The following PDE12 variants were observed in gnomAD, a reference collection of about 807,000 sequenced individuals.
PDE12 encodes the protein phosphodiesterase 12.
Under a neutral mutation model 45.4 loss-of-function variants are expected in PDE12, and 26 were observed. The observed-to-expected ratio is 0.57, with a 90% CI of 0.42 to 0.79. The LOEUF is 0.79. Ranked by LOEUF, PDE12 falls within the 30% of genes least tolerant of loss-of-function variation. The pLI is 0.00. For missense variants in PDE12, 668 were observed against 790.0 expected (o/e 0.85, Z 1.85); for synonymous variants, 283 against 323.9 (o/e 0.87, Z 1.36).
chr3:57,572,162 G>A, the PDE12 span: 1 of 1,464,966 alleles, frequency 6.8e-7, no homozygotes, highest in Non-Finnish European at 9.6e-7. Flanking sequence ...GTTGTAACAA[G>A]CCTAGACCAA....
the PDE12 span, among the ~76,000 whole-genome samples, chr3:57,636,695 G>C: frequency 6.6e-6 from 1 of 152,152 alleles, no homozygotes; most frequent in Non-Finnish European, 1.5e-5. Flanking sequence ...TCAGCACTTT[G>C]GAAAGCTGAG....
chr3:57,590,297 C>T, the PDE12 span, among the ~76,000 whole-genome samples: 6 of 151,226 alleles, frequency 4.0e-5, no homozygotes, highest in Non-Finnish European at 7.4e-5. Context: ...CCAGCCTGGC[C>T]AAGATGGTGA....
chr3:57,581,833 G>C, the PDE12 span, among the ~76,000 whole-genome samples: 1 of 152,152 alleles, frequency 6.6e-6, no homozygotes, highest in Admixed American at 6.5e-5. Flanking sequence ...GAGCACATTA[G>C]AGATGAGTAT....
the PDE12 span, among the ~76,000 whole-genome samples, chr3:57,604,626 T>TGGGACA: frequency 3.1e-5 from 1 of 32,020 alleles, no homozygotes; most frequent in Non-Finnish European, 5.4e-5. Context: ...TTGGGGGGGG[T>TGGGACA]GGGTGGGACA....
rs970469575 is a variant in PDE12 at position 57,560,785 on chromosome 3, C to G, written c.*781C>G. 31 of 985,480 alleles carry G rather than the reference C, an allele frequency of 3.1e-5. No individual in the cohort carries two copies. The highest frequency in any genetic ancestry group is 3.6e-5 in the Non-Finnish European group (30 of 829,796). The allele number at this position is 985,480 out of a possible 1,614,324, so 61.0% of individuals were successfully genotyped here. On this transcript the variant is annotated 3_prime_UTR_variant, in exon 3 of 3. Transcript: ENST00000311180. ...ATGTATTTAAGTTAAGGGTGAGAGACTTAAGTTATAGGTGACCTTAGAGAC... is the reference window on the plus strand; with the variant it reads ...ATGTATTTAAGTTAAGGGTGAGAGAGTTAAGTTATAGGTGACCTTAGAGAC...
At chr3:57,649,056 G>A in the PDE12 span, among the ~76,000 whole-genome samples, 2 of 152,110 alleles carry the variant, frequency 1.3e-5, no homozygotes, top group African/African-American at 4.8e-5. Context: ...GAAATAATCA[G>A]CAGAGTAAAC....
chr3:57,615,941 G>A, the PDE12 span, among the ~76,000 whole-genome samples: 2 of 152,116 alleles, frequency 1.3e-5, no homozygotes, highest in Non-Finnish European at 1.5e-5. Flanking sequence ...GATATTAAAA[G>A]GATAATGAGG....
At chr3:57,582,592 T>C in the PDE12 span, among the ~76,000 whole-genome samples, 1 of 152,172 alleles carries the variant, frequency 6.6e-6, no homozygotes, top group Non-Finnish European at 1.5e-5. Context: ...TAATATGACA[T>C]ACTATGTAAA....
chr3:57,617,560 G>C, the PDE12 span, among the ~76,000 whole-genome samples: 1 of 151,982 alleles, frequency 6.6e-6, no homozygotes, highest in Non-Finnish European at 1.5e-5. Flanking sequence ...ATCCACCCAG[G>C]TGCCCATCAA....
downstream of PDE12, among the ~76,000 whole-genome samples, chr3:57,567,515 A>G (rs150464579): frequency 2.7e-3 from 405 of 152,266 alleles, 1 homozygote; most frequent in African/African-American, 9.3e-3. Context: ...TTAGAATTTA[A>G]CCATTTAAGA....
the PDE12 span, among the ~76,000 whole-genome samples, chr3:57,581,556 T>A: frequency 6.6e-6 from 1 of 152,188 alleles, no homozygotes; most frequent in Non-Finnish European, 1.5e-5. Flanking sequence ...ATCCCAGCAC[T>A]TTGGGAAGCC....
chr3:57,592,177 T>C, the PDE12 span, among the ~76,000 whole-genome samples: 3 of 152,112 alleles, frequency 2.0e-5, no homozygotes, highest in South Asian at 6.2e-4. Context: ...TTTAGGTTTT[T>C]CTGGTGGACA....
chr3:57,621,959 T>C, the PDE12 span, among the ~76,000 whole-genome samples: 1 of 152,090 alleles, frequency 6.6e-6, no homozygotes, highest in African/African-American at 2.4e-5. Context: ...GTGGATCGCT[T>C]AAGGTCAAGA....
chr3:57,572,362 C>G, the PDE12 span: 1 of 1,228,976 alleles, frequency 8.1e-7, no homozygotes, highest in African/African-American at 1.5e-5. Context: ...AGTGTTTAAA[C>G]TTTCTTAATC....
the PDE12 span, among the ~76,000 whole-genome samples, chr3:57,578,982 T>C: frequency 1.3e-5 from 2 of 152,032 alleles, no homozygotes; most frequent in Non-Finnish European, 2.9e-5. Flanking sequence ...TTATAACAGA[T>C]TGTCTTGCAC....
Position 57,556,736 on chromosome 3 carries a change from C to T in PDE12, c.357C>T (p.Cys119=). 1 of 1,596,332 alleles carries T rather than the reference C, an allele frequency of 6.3e-7. No homozygotes were observed. The highest frequency in any genetic ancestry group is 8.6e-7 in the Non-Finnish European group (1 of 1,167,710). Residue 119 remains cysteine (C), a synonymous_variant, in exon 1 of 3, where the codon TGC becomes TGT. Coordinates refer to ENST00000311180, the MANE Select transcript of PDE12 (RefSeq NM_177966.7). The surrounding 1 kb of genome is among the most constrained non-coding windows in gnomAD (Gnocchi z 5.0). ...CGGGGCCTGAGCCGGCTGTGTTCTG[C>T]GAGCCCGTGGTGAAGCTGTACTACC... The part of the protein sequence containing the change: ...SGPGPEPAVF[C]EPVVKLYYRE...
rs1294974177 is a variant in PDE12 at position 57,564,275 on chromosome 3, T to G, written c.*4271T>G. The G allele has an allele frequency of 2.0e-5, 3 of 152,190 alleles. No individual in the cohort carries two copies. Among genetic ancestry groups the G allele is most frequent in the Non-Finnish European group, 4.4e-5 (3 of 68,038 alleles). The allele number at this position is 152,190 out of a possible 1,614,324, so 9.4% of individuals were successfully genotyped here. Reference sequence around the variant, plus strand: ...AATGGCAAAATAATCTTAAATATAGTAAATCTGTTCACCTATCTGCTATGC... The same window carrying G: ...AATGGCAAAATAATCTTAAATATAGGAAATCTGTTCACCTATCTGCTATGC... On this transcript the variant is annotated 3_prime_UTR_variant, in exon 3 of 3. Transcript: ENST00000311180.
chr3:57,556,415 G>T lies in PDE12; in HGVS notation c.36G>T (p.Arg12=). 6.2e-7 allele frequency: 1 copy of T among 1,607,864 alleles called. No homozygotes were observed. The change falls in exon 1 of 3, where the codon CGG becomes CGT. Residue 12 remains arginine (R), a synonymous_variant. Coordinates refer to ENST00000311180, the MANE Select transcript of PDE12 (RefSeq NM_177966.7). This position sits in a 1 kb window ranked among gnomAD's most constrained non-coding sequence, Gnocchi z 5.0. ...TCCCAGGCGCCCGCGCCGCGCTTCG[G>T]GTGATCCGGACGGCGGTGGAGAAGC... is the stretch of plus-strand genomic sequence containing the variant. ...WRLPGARAAL[R]VIRTAVEKLS... is the part of the protein sequence containing the mutation.
the PDE12 span, among the ~76,000 whole-genome samples, chr3:57,590,119 A>ATAAATAAAT: frequency 6.8e-6 from 1 of 147,226 alleles, no homozygotes; most frequent in Non-Finnish European, 1.5e-5. Flanking sequence ...AAATAAATAA[A>ATAAATAAAT]TAAATAAATA....
Sources: allele counts gnomAD v4.1 joint callset (sites outside exome capture counted in the v4.1 genomes callset), GRCh38; gene constraint gnomAD v4.1.1; non-coding constraint Gnocchi (gnomAD v3.1); transcripts MANE v1.5; gene names NCBI Gene and HGNC (gene_info 2026-07-23, HGNC 2026-07-21).